Variants in SPTAN1 observed in about 807,000 individuals in gnomAD.
SPTAN1 encodes spectrin alpha chain, non-erythrocytic 1.
SPTAN1 carries 61 observed loss-of-function variants against 331.3 expected under a neutral mutation model. The observed-to-expected ratio is 0.18, with a 90% CI of 0.15 to 0.23. SPTAN1 has a LOEUF of 0.23. SPTAN1 is among the 10% of genes least tolerant of loss of function. SPTAN1 has a pLI of 1.00. For synonymous variants in SPTAN1, 1,153 were observed against 1,173.9 expected (o/e 0.98, Z 0.36); for missense variants, 2,043 against 3,147.9 (o/e 0.65, Z 8.40).
At position 128,593,936 on chromosome 9, in the gene SPTAN1, T is replaced by TGCCTGGCTGTTCTAGCC. The variant is rs1426260840; in HGVS notation, c.3216-238_3216-222dup. On this transcript the variant is annotated intron_variant, in intron 23 of 56. Transcript: ENST00000372739. ...TGCAGAATCGGCCTGGGGATAAGTG[T>TGCCTGGCTGTTCTAGCC]GCCTGGCTGTTCTAGCCACCTGGTT... 3 of 537,358 alleles carry TGCCTGGCTGTTCTAGCC rather than the reference T, an allele frequency of 5.6e-6. No homozygotes were observed. In the Admixed American group the frequency reaches 7.9e-5, roughly 14 times the overall value. 33.3% of individuals were successfully genotyped at this position (537,358 alleles called of 1,614,324 possible).
intron 52 of SPTAN1, 72 bp downstream of exon 52, chr9:128,630,447 C>G: frequency 6.6e-7 from 1 of 1,525,320 alleles, no homozygotes; most frequent in East Asian, 2.2e-5. Flanking sequence ...CCCTTCCCTT[C>G]CTGGCTTAAA....
intron 1 of SPTAN1, chr9:128,555,375 A>G: frequency 1.6e-6 from 2 of 1,289,578 alleles, no homozygotes; most frequent in Non-Finnish European, 2.0e-6. Context: ...TCATGTTGTC[A>G]TCGTTTCGTA....
chr9:128,625,826 G>A lies in SPTAN1; in HGVS notation c.6127G>A (p.Ala2043Thr), dbSNP rs1336578719. 1 of 1,614,194 alleles carries A rather than the reference G, an allele frequency of 6.2e-7. No homozygotes were observed. ...GCAGGAAGGCATTGCCAACATCACT[G>A]CCCTCAAAGATCAGCTTCTCGCCGC... ...FQQEGIANIT[A>T]LKDQLLAAKH... is the part of the protein sequence containing the mutation. The change falls in exon 48 of 57, where the codon GCC becomes ACC. Residue 2043 changes from alanine to threonine, a missense_variant. Ala to Thr is a moderately conservative substitution (Grantham distance 58, BLOSUM62 0). Coordinates refer to ENST00000372739, the MANE Select transcript of SPTAN1 (RefSeq NM_001130438.3). This position sits in a 1 kb window ranked among gnomAD's most constrained non-coding sequence, Gnocchi z 4.1.
Position 128,579,662 on chromosome 9 carries a change from G to A in SPTAN1, c.1247G>A (p.Ser416Asn), listed in dbSNP as rs773663318. The A allele has an allele frequency of 6.8e-6, 11 of 1,614,012 alleles. No homozygotes were observed. The East Asian group carries it at 2.2e-4, about 33-fold the overall frequency. ...GGTGAAATTGATGCCCATGAAGACA[G>A]CTTCAAATCTGCAGATGAATCTGGA... ...HKGEIDAHED[S>N]FKSADESGQA... The change falls in exon 10 of 57, where the codon AGC becomes AAC. Residue 416 changes from serine to asparagine, a missense_variant. Coordinates refer to ENST00000372739, the MANE Select transcript of SPTAN1 (RefSeq NM_001130438.3).
Position 128,584,713 on chromosome 9 carries a change from G to C in SPTAN1, c.2438-8G>C. 3 of 1,614,224 alleles carry C rather than the reference G, an allele frequency of 1.9e-6. No individual in the cohort carries two copies. Among genetic ancestry groups the C allele is most frequent in the African/African-American group, 1.3e-5 (1 of 75,052 alleles). On this transcript the variant is annotated splice_polypyrimidine_tract_variant and splice_region_variant and intron_variant, in intron 17 of 56. Transcript: ENST00000372739. ...GTTGGATAACTGGGGACTGGTGTCT[G>C]CTTTCAGGTAAGGATTTAATTGGGG... is the stretch of plus-strand genomic sequence containing the variant.
chr9:128,581,532 T>G (rs1319680709), intron 11 of SPTAN1, among the ~76,000 whole-genome samples: 1 of 151,284 alleles, frequency 6.6e-6, no homozygotes, highest in African/African-American at 2.4e-5. Context: ...CATCTGAATC[T>G]AATAGAAGCA....
intron 2 of SPTAN1, among the ~76,000 whole-genome samples, chr9:128,567,732 G>C (rs1331126458): frequency 1.3e-5 from 2 of 152,060 alleles, no homozygotes; most frequent in African/African-American, 2.4e-5. Flanking sequence ...AGCAAAGCCT[G>C]AATCTTATGG....
At chr9:128,619,686 C>A (rs1390648581) in intron 44 of SPTAN1, among the ~76,000 whole-genome samples, 1 of 152,098 alleles carries the variant, frequency 6.6e-6, no homozygotes, top group Non-Finnish European at 1.5e-5. Flanking sequence ...AGGACATTTG[C>A]AAAGATCTTG....
chr9:128,586,277 T>G (rs1178887195), intron 19 of SPTAN1, among the ~76,000 whole-genome samples: 2 of 151,760 alleles, frequency 1.3e-5, no homozygotes, highest in African/African-American at 2.4e-5. Flanking sequence ...TACCACTACC[T>G]GCCTAGCTAC....
At chr9:128,616,824 C>G (rs1857224519) in intron 41 of SPTAN1, among the ~76,000 whole-genome samples, 1 of 151,930 alleles carries the variant, frequency 6.6e-6, no homozygotes, top group African/African-American at 2.4e-5. Context: ...CCCAGCTACT[C>G]AGGAGGCTGA....
chr9:128,582,796 C>G lies in SPTAN1; in HGVS notation c.1753C>G (p.Leu585Val), dbSNP rs1229724538. 1 of 1,613,966 alleles carries G rather than the reference C, an allele frequency of 6.2e-7. No individual in the cohort carries two copies. Among genetic ancestry groups the G allele is most frequent in the South Asian group, 1.1e-5 (1 of 91,072 alleles). Residue 585 changes from leucine (L) to valine (V), a missense_variant, in exon 14 of 57, where the codon CTC becomes GTC. By Grantham distance (32) the Leu-to-Val change is conservative. This residue lies in a region of SPTAN1 where 1,038 missense variants were observed against 1,531.5 expected (regional missense o/e 0.68). Transcript: ENST00000372739. ...LQQFFRDSDE[L>V]KSWVNEKMKT... ...GCAGTTTTTCCGTGATTCTGATGAG[C>G]TCAAGAGTTGGGTCAATGAGAAGAT...
rs1240551162 is a variant in SPTAN1, at chr9:128,617,760, G to A, written c.5478G>A (p.Gln1826=). 2 of 1,613,838 alleles carry A rather than the reference G, an allele frequency of 1.2e-6. No homozygotes were observed. The highest frequency in any genetic ancestry group is 8.5e-7 in the Non-Finnish European group (1 of 1,179,998). ...TGGCTGCGCATGAGCCGGCTATTCA[G>A]GTAAGGAGGCCGCCTTCTGGCCAAG... The part of the protein sequence containing the change: ...AELAAHEPAI[Q]GVLDTGKKLS... The change falls in exon 42 of 57, where the codon CAG becomes CAA. Residue 1826 remains glutamine, a splice_region_variant and synonymous_variant. Transcript: ENST00000372739.
At position 128,552,759 on chromosome 9, in the gene SPTAN1, G is replaced by C. The variant is rs1444486223; in HGVS notation, c.-4+63G>C. ...GGCCCCGGGCAGCCGACCCCCGGGT[G>C]GGAGCTGGGCAGCTCTTCAGGCGGG... On this transcript the variant is annotated intron_variant, in intron 1 of 56. Coordinates refer to ENST00000372739, the MANE Select transcript of SPTAN1 (RefSeq NM_001130438.3). The surrounding 1 kb of genome is among the most constrained non-coding windows in gnomAD (Gnocchi z 4.6). 14 of 151,954 alleles carry C rather than the reference G, an allele frequency of 9.2e-5. No homozygotes were observed. The East Asian group carries it at 2.7e-3, about 30-fold the overall frequency. 9.4% of individuals were successfully genotyped at this position (151,954 alleles called of 1,614,324 possible).
At position 128,598,437 on chromosome 9, in the gene SPTAN1, A is replaced by G; in HGVS notation, c.3452A>G (p.Asn1151Ser). The G allele has an allele frequency of 6.2e-7, 1 of 1,613,512 alleles. No homozygotes were observed. The highest frequency in any genetic ancestry group is 8.5e-7 in the Non-Finnish European group (1 of 1,179,900). ...AATGAGTCACGGTTGAAGGACATTA[A>G]CAAGGTAGCTGAAGACCTGGAGTCT... ...KANESRLKDI[N>S]KVAEDLESEG... Residue 1151 changes from asparagine to serine, a missense_variant, in exon 25 of 57, where the codon AAC becomes AGC. Coordinates refer to ENST00000372739, the MANE Select transcript of SPTAN1 (RefSeq NM_001130438.3).
intron 40 of SPTAN1, 72 bp from the exon 41 acceptor site, chr9:128,615,560 C>T: frequency 6.6e-7 from 1 of 1,507,218 alleles, no homozygotes; most frequent in South Asian, 1.1e-5. Context: ...GTAAGGAATT[C>T]CTGAGTTCTT....
chr9:128,628,506 T>C (rs1053414804), intron 51 of SPTAN1: 15 of 298,264 alleles, frequency 5.0e-5, no homozygotes, highest in African/African-American at 2.8e-4. Flanking sequence ...GCACCCGTTA[T>C]GTGATAGACA....
rs1860170915 is a variant in SPTAN1 at position 128,633,455 on chromosome 9, T to G, written c.*121T>G. 6.5e-7 allele frequency: 1 copy of G among 1,539,692 alleles called. No individual in the cohort carries two copies. The highest frequency in any genetic ancestry group is 2.2e-5 in the East Asian group (1 of 44,494). ...AAGCCTGCTTAGCTTGGAATAAGAC[T>G]TAGGAGAAAATGGTGCTTCACTAAC... On this transcript the variant is annotated 3_prime_UTR_variant, in exon 57 of 57. Transcript: ENST00000372739.
chr9:128,624,799 G>T (rs1858483486), intron 46 of SPTAN1: 1 of 567,344 alleles, frequency 1.8e-6, no homozygotes, highest in Non-Finnish European at 3.1e-6. Flanking sequence ...TAGCTGCCCT[G>T]GTCAGGGGCG....
intron 45 of SPTAN1, among the ~76,000 whole-genome samples, chr9:128,622,631 CTGTTTCCTCTTTGAATTTATCT>C (rs1266129122): frequency 6.6e-6 from 1 of 152,106 alleles, no homozygotes; most frequent in African/African-American, 2.4e-5. Context: ...CAGCGACAGC[CTGTTTCCTCTTTGAATTTATCT>C]TTCAATTCTT....
Sources: allele counts gnomAD v4.1 joint callset (sites outside exome capture counted in the v4.1 genomes callset), GRCh38; gene constraint gnomAD v4.1.1; regional missense constraint gnomAD v4.1.1; non-coding constraint Gnocchi (gnomAD v3.1); transcripts MANE v1.5; gene names NCBI Gene and HGNC (gene_info 2026-07-23, HGNC 2026-07-21).